Variants in PDZRN4 observed in about 807,000 individuals in gnomAD.
PDZRN4 encodes PDZ domain containing ring finger 4.
In PDZRN4, 70 loss-of-function variants were observed where a neutral mutation model predicts 99.0. The observed-to-expected ratio is 0.71, with a 90% CI of 0.58 to 0.86. The LOEUF is 0.86. PDZRN4 is among the 40% of genes least tolerant of loss of function. PDZRN4 has a pLI of 0.00. For synonymous variants in PDZRN4, 551 were observed against 501.6 expected (o/e 1.10, Z -1.32); for missense variants, 1,474 against 1,331.2 (o/e 1.11, Z -1.67).
intron 3 of PDZRN4, among the ~76,000 whole-genome samples, chr12:41,353,720 T>C (rs1951907713): frequency 6.6e-6 from 1 of 152,108 alleles, no homozygotes; most frequent in Non-Finnish European, 1.5e-5. Flanking sequence ...TTGTTTCATG[T>C]CCATTTTCTA....
intron 3 of PDZRN4, among the ~76,000 whole-genome samples, chr12:41,293,009 G>T (rs1046675728): frequency 2.6e-5 from 4 of 151,422 alleles, no homozygotes; most frequent in African/African-American, 9.7e-5. Context: ...CTAACATCTT[G>T]GAGGCACGCG....
intron 3 of PDZRN4, among the ~76,000 whole-genome samples, chr12:41,483,013 AAAAATT>A (rs1202151445): frequency 6.6e-6 from 1 of 151,826 alleles, no homozygotes; most frequent in African/African-American, 2.4e-5. Context: ...TATTGATATT[AAAAATT>A]ATATATAATA....
chr12:41,435,142 C>G (rs977709591), intron 3 of PDZRN4, among the ~76,000 whole-genome samples: 1 of 152,064 alleles, frequency 6.6e-6, no homozygotes, highest in African/African-American at 2.4e-5. Context: ...GATAGAAACA[C>G]AAGAATAGAG....
chr12:41,570,666 T>C (rs576147985), intron 9 of PDZRN4, among the ~76,000 whole-genome samples: 2 of 152,302 alleles, frequency 1.3e-5, no homozygotes, highest in South Asian at 2.1e-4. Flanking sequence ...TAACACGATA[T>C]ATAAATTCAA....
In PDZRN4 at chr12:41,317,048, G is replaced by GTA. The variant is rs33919115; in HGVS notation, c.843+122885_843+122886dup. On this transcript the variant is annotated intron_variant, in intron 3 of 9. Transcript: ENST00000402685. The stretch of plus-strand genomic sequence containing the variant: ...TCCAGAGAATCATAACTTACATAAA[G>GTA]TATATATATATATATATATATATAT... 8.9e-3 allele frequency among the ~76,000 whole-genome samples: 616 copies of GTA among 69,568 alleles called. 26 individuals are homozygous for GTA. The highest frequency in any genetic ancestry group is 0.02 in the African/African-American group (539 of 27,376). 45.6% of individuals were successfully genotyped at this position (69,568 alleles called of 152,430 possible).
intron 5 of PDZRN4, among the ~76,000 whole-genome samples, chr12:41,535,227 C>G (rs1049588962): frequency 6.6e-6 from 1 of 152,166 alleles, no homozygotes; most frequent in African/African-American, 2.4e-5. Flanking sequence ...TGCTGGATCT[C>G]ACTCATGATG....
intron 3 of PDZRN4, chr12:41,460,029 G>A: frequency 1.6e-6 from 2 of 1,288,444 alleles, no homozygotes; most frequent in Non-Finnish European, 2.0e-6. Flanking sequence ...GAGTATGTGT[G>A]GGATCTTAGT....
intron 6 of PDZRN4, among the ~76,000 whole-genome samples, chr12:41,554,235 C>T (rs992412133): frequency 6.6e-6 from 1 of 152,142 alleles, no homozygotes; most frequent in African/African-American, 2.4e-5. Flanking sequence ...AGTTTGATTA[C>T]AGTTCTAAAG....
At chr12:41,504,623 G>A (rs1161712810) in intron 3 of PDZRN4, among the ~76,000 whole-genome samples, 3 of 152,066 alleles carry the variant, frequency 2.0e-5, no homozygotes, top group East Asian at 1.9e-4. Flanking sequence ...TGTCCTCAGG[G>A]GAGACAGTAG....
intron 3 of PDZRN4, among the ~76,000 whole-genome samples, chr12:41,271,004 A>C (rs1951311150): frequency 2.6e-5 from 4 of 152,066 alleles, no homozygotes; most frequent in Admixed American, 2.6e-4. Context: ...TAAATCTGAA[A>C]TATAGTCTTC....
chr12:41,422,705 C>T (rs1390061003), intron 3 of PDZRN4, among the ~76,000 whole-genome samples: 2 of 152,158 alleles, frequency 1.3e-5, no homozygotes, highest in Admixed American at 1.3e-4. Context: ...GATCCAATCA[C>T]CTTCCACCAG....
At chr12:41,560,124 GT>G (rs1939244455) in intron 7 of PDZRN4, among the ~76,000 whole-genome samples, 1 of 151,924 alleles carries the variant, frequency 6.6e-6, no homozygotes, top group Non-Finnish European at 1.5e-5. Context: ...CCCTATTTCT[GT>G]TTTTTCCGCA....
In PDZRN4 at chr12:41,188,375, C is replaced by A. The variant is rs776249968; in HGVS notation, c.-81C>A. ...CTGCCGCCGCCGCGAGACGGCTGCCCCGGGGGTGGCCCGGGGAAGGCAGGG... is the reference window on the plus strand; with the variant it reads ...CTGCCGCCGCCGCGAGACGGCTGCCACGGGGGTGGCCCGGGGAAGGCAGGG... On this transcript the variant is annotated 5_prime_UTR_variant, in exon 1 of 10. Transcript: ENST00000402685. 4 of 1,350,822 alleles carry A rather than the reference C, an allele frequency of 3.0e-6. No individual in the cohort carries two copies. Among genetic ancestry groups the A allele is most frequent in the Non-Finnish European group, 3.9e-6 (4 of 1,023,608 alleles). The allele number at this position is 1,350,822 out of a possible 1,614,324, so 83.7% of individuals were successfully genotyped here.
chr12:41,331,022 G>T (rs1951738395), intron 3 of PDZRN4, among the ~76,000 whole-genome samples: 1 of 152,068 alleles, frequency 6.6e-6, no homozygotes, highest in Non-Finnish European at 1.5e-5. Flanking sequence ...TACTGAAGTG[G>T]ATTCAAACTC....
At chr12:41,303,688 T>C (rs1951551681) in intron 3 of PDZRN4, among the ~76,000 whole-genome samples, 2 of 152,174 alleles carry the variant, frequency 1.3e-5, no homozygotes, top group Non-Finnish European at 2.9e-5. Flanking sequence ...GAGCATGTGA[T>C]TGAAAAGATT....
intron 3 of PDZRN4, among the ~76,000 whole-genome samples, chr12:41,456,537 T>C (rs894400336): frequency 6.6e-6 from 1 of 152,160 alleles, no homozygotes; most frequent in Non-Finnish European, 1.5e-5. Context: ...ATAAAATTAG[T>C]GTTTCAATAA....
intron 3 of PDZRN4, among the ~76,000 whole-genome samples, chr12:41,420,921 A>G (rs938472891): frequency 6.6e-6 from 1 of 152,054 alleles, no homozygotes; most frequent in Non-Finnish European, 1.5e-5. Context: ...CTCAACTCAT[A>G]TCTGTTTATA....
chr12:41,303,185 C>A (rs571890093), intron 3 of PDZRN4, among the ~76,000 whole-genome samples: 4 of 152,230 alleles, frequency 2.6e-5, no homozygotes, highest in African/African-American at 9.6e-5. Context: ...TTACTACAAG[C>A]CTTCTATTTT....
intron 3 of PDZRN4, among the ~76,000 whole-genome samples, chr12:41,481,636 A>T (rs1221330450): frequency 1.3e-5 from 2 of 152,050 alleles, no homozygotes; most frequent in African/African-American, 4.8e-5. Flanking sequence ...ACAAGCTCAA[A>T]TCCAAGTCTT....
Sources: allele counts gnomAD v4.1 joint callset (sites outside exome capture counted in the v4.1 genomes callset), GRCh38; gene constraint gnomAD v4.1.1; transcripts MANE v1.5; gene names NCBI Gene and HGNC (gene_info 2026-07-23, HGNC 2026-07-21).